The following ADGRL2 variants were observed in gnomAD, a reference collection of about 807,000 sequenced individuals.
ADGRL2 encodes adhesion G protein-coupled receptor L2.
Under a neutral mutation model 157.4 loss-of-function variants are expected in ADGRL2, and 44 were observed. The observed-to-expected ratio is 0.28, with a 90% CI of 0.22 to 0.36. The LOEUF is 0.36. Among genes scored for constraint, ADGRL2 ranks in the 10% least tolerant of loss-of-function variants. The pLI is 1.00. For missense variants in ADGRL2, 1,510 were observed against 1,768.9 expected, an observed-to-expected ratio of 0.85 and a Z score of 2.63; for synonymous variants, 585 against 624.7, an observed-to-expected ratio of 0.94 and a Z score of 0.95.
At chr1:81,321,027 A>G (rs939238605) in intron 1 of ADGRL2, among the ~76,000 whole-genome samples, 18 of 152,198 alleles carry the variant, frequency 1.2e-4, no homozygotes, top group African/African-American at 3.4e-4. Context: ...AGCCACCTTC[A>G]TCAACTAACT....
chr1:81,755,728 C>A (rs966582777), intron 1 of ADGRL2, among the ~76,000 whole-genome samples: 18 of 151,878 alleles, frequency 1.2e-4, no homozygotes, highest in African/African-American at 3.9e-4. Flanking sequence ...CTTTAGCATA[C>A]TTTTCATGAG....
At chr1:81,448,137 CTTTTTT>C (rs1168945231) in intron 2 of ADGRL2, among the ~76,000 whole-genome samples, 10 of 83,528 alleles carry the variant, frequency 1.2e-4, no homozygotes, top group South Asian at 5.1e-4. Flanking sequence ...TTCTTTCTTT[CTTTTTT>C]TTTTTTTTTT....
In ADGRL2 at chr1:81,655,099, G is replaced by A. The variant is rs561793713; in HGVS notation, c.-143+74119G>A. Reference sequence around the variant, plus strand: ...CCTAAGAGCCAGGGGGGCAAGAGGGGCTGGCTCTCTGGCCTCAACCTTCCA... The same window carrying A: ...CCTAAGAGCCAGGGGGGCAAGAGGGACTGGCTCTCTGGCCTCAACCTTCCA... On this transcript the variant is annotated intron_variant, in intron 3 of 24. Coordinates refer to the ADGRL2 transcript ENST00000370721. Among the ~76,000 whole-genome samples, 63 of 152,294 alleles carry A rather than the reference G, an allele frequency of 4.1e-4. No homozygotes were observed. The South Asian group carries it at 0.012, about 30-fold the overall frequency.
intron 1 of ADGRL2, among the ~76,000 whole-genome samples, chr1:81,381,110 T>C (rs1570781045): frequency 6.6e-6 from 1 of 152,264 alleles, no homozygotes; most frequent in African/African-American, 2.4e-5. Context: ...GTTTTTCAGA[T>C]TATTCCTTGC....
chr1:81,484,366 A>G (rs932129979), intron 2 of ADGRL2, among the ~76,000 whole-genome samples: 3 of 152,144 alleles, frequency 2.0e-5, no homozygotes, highest in African/African-American at 7.2e-5. Context: ...AGGTTTCTGA[A>G]TGAACCTCAA....
rs1340597546 is a variant in ADGRL2 at position 81,846,224 on chromosome 1, A to C, written c.73+9167A>C. ...AAAAACAAAAAAGAAAAAGAATAGA[A>C]GTAAACACTGTTTATATCTACATAG... On this transcript the variant is annotated intron_variant, in intron 2 of 23. Coordinates refer to ENST00000686636, the MANE Select transcript of ADGRL2 (RefSeq NM_001366006.2). 2.6e-5 allele frequency among the ~76,000 whole-genome samples: 4 copies of C among 151,918 alleles called. No homozygotes were observed. In the East Asian group the frequency reaches 7.7e-4, roughly 29 times the overall value.
chr1:81,751,525 A>G (rs2149267858), intron 1 of ADGRL2, among the ~76,000 whole-genome samples: 1 of 152,356 alleles, frequency 6.6e-6, no homozygotes, highest in Non-Finnish European at 1.5e-5. Flanking sequence ...TGTCAAATTC[A>G]TGAAAGCCAT....
intron 1 of ADGRL2, among the ~76,000 whole-genome samples, chr1:81,428,546 A>G (rs1026308382): frequency 1.3e-5 from 2 of 152,214 alleles, no homozygotes; most frequent in African/African-American, 4.8e-5. Flanking sequence ...AACAAGGGTC[A>G]GATGGTTGAA....
At chr1:81,579,539 T>C (rs1306733429) in intron 2 of ADGRL2, among the ~76,000 whole-genome samples, 2 of 152,124 alleles carry the variant, frequency 1.3e-5, no homozygotes, top group African/African-American at 2.4e-5. Context: ...GAGAATATAT[T>C]TGATGGTGAA....
chr1:81,770,951 C>T (rs2086345558), intron 2 of ADGRL2, among the ~76,000 whole-genome samples: 2 of 151,816 alleles, frequency 1.3e-5, no homozygotes, highest in Admixed American at 6.6e-5. Flanking sequence ...TTTGGGAAAC[C>T]TAAACTTTCT....
intron 2 of ADGRL2, among the ~76,000 whole-genome samples, chr1:81,762,741 A>G (rs2085929561): frequency 6.6e-6 from 1 of 152,112 alleles, no homozygotes; most frequent in South Asian, 2.1e-4. Context: ...ACTTGGCAGT[A>G]TATCTTGGGC....
intron 2 of ADGRL2, among the ~76,000 whole-genome samples, chr1:81,528,897 T>C (rs1467637344): frequency 6.6e-6 from 1 of 152,176 alleles, no homozygotes; most frequent in Non-Finnish European, 1.5e-5. Context: ...TAGGAAAGGA[T>C]ACTATAAGTG....
intron 1 of ADGRL2, among the ~76,000 whole-genome samples, chr1:81,383,416 TAGAG>T (rs1194012060): frequency 1.3e-5 from 2 of 152,022 alleles, no homozygotes; most frequent in Non-Finnish European, 2.9e-5. Flanking sequence ...GAGGAATAGA[TAGAG>T]AGAGAAAGAG....
intron 2 of ADGRL2, among the ~76,000 whole-genome samples, chr1:81,475,421 G>A (rs1301737751): frequency 6.6e-6 from 1 of 152,058 alleles, no homozygotes; most frequent in African/African-American, 2.4e-5. Flanking sequence ...GTATCTACTA[G>A]CCTTTAGGTG....
intron 3 of ADGRL2, among the ~76,000 whole-genome samples, chr1:81,619,276 T>G (rs1406100859): frequency 3.5e-5 from 1 of 28,696 alleles, no homozygotes; most frequent in Non-Finnish European, 7.8e-5. Flanking sequence ...CAGTTGTGGC[T>G]TTTTTTTTTT....
At chr1:81,539,423 C>A (rs2079827781) in intron 2 of ADGRL2, among the ~76,000 whole-genome samples, 1 of 152,152 alleles carries the variant, frequency 6.6e-6, no homozygotes, top group Non-Finnish European at 1.5e-5. Context: ...CCGCAGATAA[C>A]AATATCATCA....
chr1:81,951,953 T>A lies in ADGRL2; in HGVS notation c.1609-4T>A, dbSNP rs1458640451. ...AAATGAGATAATACAAATTGTTTTT[T>A]CAGATCAGAAGCGGAGAAAATGCTG... is the stretch of plus-strand genomic sequence containing the variant. On this transcript the variant is annotated splice_region_variant and splice_polypyrimidine_tract_variant and intron_variant, in intron 8 of 23. Transcript: ENST00000686636. 3.1e-6 allele frequency: 5 copies of A among 1,592,056 alleles called. No individual in the cohort carries two copies. The highest frequency in any genetic ancestry group is 1.8e-5 in the Admixed American group (1 of 55,618).
intron 1 of ADGRL2, among the ~76,000 whole-genome samples, chr1:81,835,727 C>CAG (rs929169036): frequency 2.6e-5 from 4 of 151,964 alleles, no homozygotes; most frequent in Non-Finnish European, 5.9e-5. Flanking sequence ...TCAGTGCTTT[C>CAG]AGAGAGAGAG....
intron 2 of ADGRL2, among the ~76,000 whole-genome samples, chr1:81,521,537 T>C (rs927669126): frequency 5.9e-5 from 9 of 152,316 alleles, no homozygotes; most frequent in African/African-American, 2.2e-4. Flanking sequence ...TACTTACCTA[T>C]ATATCATATT....
Sources: gnomAD v4.1 joint callset for allele counts (sites outside exome capture counted in the v4.1 genomes callset) on GRCh38, gnomAD v4.1.1 for gene constraint, MANE v1.5 for transcripts, NCBI Gene and HGNC (gene_info 2026-07-23, HGNC 2026-07-21) for gene names.